Variants in CLCC1 observed in about 807,000 individuals in gnomAD.
CLCC1 encodes the protein chloride channel CLIC like 1.
A neutral mutation model predicts 63.3 loss-of-function variants in CLCC1; 39 were observed. The observed-to-expected ratio is 0.62, with a 90% CI of 0.48 to 0.81. CLCC1 has a LOEUF of 0.81. Ranked by LOEUF, CLCC1 falls within the 30% of genes least tolerant of loss-of-function variation. CLCC1 has a pLI of 0.00. For missense variants in CLCC1, 549 were observed against 669.4 expected, an observed-to-expected ratio of 0.82 and a Z score of 1.98; for synonymous variants, 217 against 239.8, an observed-to-expected ratio of 0.90 and a Z score of 0.88.
In CLCC1 at chr1:108,943,780, A is replaced by G; in HGVS notation, c.561+56T>C. On this transcript the variant is annotated intron_variant, in intron 6 of 12. Coordinates refer to ENST00000369969, the MANE Select transcript of CLCC1 (RefSeq NM_001377458.1). ...TTAACGTAATTATGGTGGAGTTTGGAAAGTATTTTAAAAAGGAAACTTAAT... is the reference window on the plus strand; with the variant it reads ...TTAACGTAATTATGGTGGAGTTTGGGAAGTATTTTAAAAAGGAAACTTAAT... 2 of 1,486,528 alleles carry G rather than the reference A, an allele frequency of 1.3e-6. 1 individual carries two copies. The highest frequency in any genetic ancestry group is 2.4e-5 in the South Asian group (2 of 84,354). The allele number at this position is 1,486,528 out of a possible 1,614,324, so 92.1% of individuals were successfully genotyped here. A position where few individuals can be genotyped will look rare whatever the true frequency, so the allele number is the denominator to read the frequency against.
intron 2 of CLCC1, among the ~76,000 whole-genome samples, chr1:108,956,452 G>C (rs1027004985): frequency 1.3e-5 from 2 of 151,244 alleles, no homozygotes; most frequent in African/African-American, 4.9e-5. Flanking sequence ...ACAAGGTCAG[G>C]AGATCGAGAC....
chr1:108,945,254 C>A (rs966784535), intron 5 of CLCC1, among the ~76,000 whole-genome samples: 2 of 152,082 alleles, frequency 1.3e-5, no homozygotes, highest in Middle Eastern at 3.2e-3. Context: ...AAACACTAGA[C>A]CTCAGCTCAG....
intron 4 of CLCC1, among the ~76,000 whole-genome samples, chr1:108,948,029 A>C (rs1308386600): frequency 1.3e-5 from 2 of 152,206 alleles, no homozygotes; most frequent in African/African-American, 4.8e-5. Context: ...CATCTGGACC[A>C]ATCTGCCTCT....
intron 4 of CLCC1, among the ~76,000 whole-genome samples, chr1:108,949,023 C>T (rs1278525638): frequency 6.6e-6 from 1 of 152,314 alleles, no homozygotes. Context: ...CAAGCTGGGA[C>T]TCATTCACTC....
intron 2 of CLCC1, among the ~76,000 whole-genome samples, chr1:108,953,837 C>T (rs1571072928): frequency 6.6e-6 from 1 of 151,612 alleles, no homozygotes; most frequent in African/African-American, 2.4e-5. Flanking sequence ...ATGGAGAAAC[C>T]CCATCTCTAC....
At chr1:108,933,129 G>A (rs571999714) in intron 12 of CLCC1, 1 of 151,372 alleles carries the variant, frequency 6.6e-6, no homozygotes, top group East Asian at 1.9e-4. Flanking sequence ...AGGACTGTAG[G>A]CATGAGCCAC....
chr1:108,932,875 T>G (rs557664898), intron 12 of CLCC1: 2 of 152,254 alleles, frequency 1.3e-5, no homozygotes, highest in Non-Finnish European at 2.9e-5. Flanking sequence ...CTAAAGATGT[T>G]TGCAATATTA....
chr1:108,959,035 G>A (rs1303414760), intron 2 of CLCC1, among the ~76,000 whole-genome samples: 10 of 149,768 alleles, frequency 6.7e-5, no homozygotes, highest in East Asian at 2.0e-4. Context: ...TTAGCCGAGC[G>A]TGGTGGCACA....
chr1:108,946,449 G>C (rs1407208747), intron 5 of CLCC1, among the ~76,000 whole-genome samples: 1 of 152,154 alleles, frequency 6.6e-6, no homozygotes, highest in Non-Finnish European at 1.5e-5. Context: ...GTACGTATGA[G>C]AACGCATCTG....
chr1:108,939,437 G>C (rs1408248509), intron 10 of CLCC1, among the ~76,000 whole-genome samples, 199 bp downstream of exon 10: 1 of 151,006 alleles, frequency 6.6e-6, no homozygotes, highest in Non-Finnish European at 1.5e-5. Context: ...CTCCCGAGTA[G>C]CTGGGACTAC....
intron 2 of CLCC1, among the ~76,000 whole-genome samples, chr1:108,961,970 T>C (rs980175130): frequency 6.6e-6 from 1 of 152,230 alleles, no homozygotes; most frequent in Non-Finnish European, 1.5e-5. Flanking sequence ...CATCTTCATT[T>C]TACAGATCAC....
rs1651614392 is a variant in CLCC1 at position 108,929,871 on chromosome 1, A to G, written c.*2676T>C. On this transcript the variant is annotated 3_prime_UTR_variant, in exon 13 of 13. Transcript: ENST00000369969. ...AAAACAGAGACACTGACTTTGGGCT[A>G]AAGGACTTTTTGCAAAATAATGCTT... The G allele has an allele frequency of 1.2e-6, 2 of 1,613,800 alleles. No individual in the cohort carries two copies. The highest frequency in any genetic ancestry group is 1.6e-4 in the Middle Eastern group (1 of 6,084).
At chr1:108,940,170 A>T in intron 8 of CLCC1, 28 bp from the exon 9 acceptor site, 1 of 1,448,466 alleles carries the variant, frequency 6.9e-7, no homozygotes. Context: ...CAAAACACTG[A>T]TCATTTCTTT....
At chr1:108,950,544 C>G in intron 2 of CLCC1, 96 bp from the exon 3 acceptor site, 1 of 664,254 alleles carries the variant, frequency 1.5e-6, no homozygotes, top group Non-Finnish European at 2.1e-6. Context: ...TTTTTAGAGA[C>G]AGGGTCTTGC....
At chr1:108,941,095 T>C (rs955260679) in intron 8 of CLCC1, among the ~76,000 whole-genome samples, 2 of 152,218 alleles carry the variant, frequency 1.3e-5, no homozygotes, top group Non-Finnish European at 2.9e-5. Flanking sequence ...TAAACTTCTA[T>C]TGAGAATATG....
At chr1:108,957,748 GA>G (rs1656094987) in intron 2 of CLCC1, among the ~76,000 whole-genome samples, 1 of 151,408 alleles carries the variant, frequency 6.6e-6, no homozygotes, top group Non-Finnish European at 1.5e-5. Context: ...TAGTAAATCT[GA>G]AGTGTCCACT....
chr1:108,953,886 T>C (rs1655515024), intron 2 of CLCC1, among the ~76,000 whole-genome samples: 1 of 150,892 alleles, frequency 6.6e-6, no homozygotes, highest in Admixed American at 6.6e-5. Context: ...GGTGCATGCC[T>C]GTAATCCCAG....
chr1:108,943,155 A>G (rs1360943235), intron 7 of CLCC1, among the ~76,000 whole-genome samples: 2 of 152,086 alleles, frequency 1.3e-5, no homozygotes, highest in Non-Finnish European at 2.9e-5. Context: ...TGATCTGCCC[A>G]CCTCAGCCTC....
chr1:108,955,402 A>G (rs771949030), intron 2 of CLCC1, among the ~76,000 whole-genome samples: 16 of 151,400 alleles, frequency 1.1e-4, no homozygotes, highest in Non-Finnish European at 1.6e-4. Flanking sequence ...CCACGGAAAG[A>G]TGGAGTGTAT....
Sources: gnomAD v4.1 joint callset for allele counts (sites outside exome capture counted in the v4.1 genomes callset) on GRCh38, gnomAD v4.1.1 for gene constraint, MANE v1.5 for transcripts, NCBI Gene and HGNC (gene_info 2026-07-23, HGNC 2026-07-21) for gene names.